The following ADAMTS16 variants were observed in gnomAD, a reference collection of about 807,000 sequenced individuals.
ADAMTS16 encodes ADAM metallopeptidase with thrombospondin type 1 motif 16, also known as A disintegrin and metalloproteinase with thrombospondin motifs 16.
In ADAMTS16, 94 loss-of-function variants were observed where a neutral mutation model predicts 145.8. The ratio of observed to expected loss-of-function variants is 0.64; its 90% confidence interval spans 0.55 to 0.77. The LOEUF (loss-of-function observed/expected upper bound fraction) is 0.77, where lower values mean the gene tolerates loss of function less well. Ranked by LOEUF, ADAMTS16 falls within the 30% of genes least tolerant of loss-of-function variation. The pLI is 0.00. For missense variants in ADAMTS16, 1,585 were observed against 1,591.5 expected, an observed-to-expected ratio of 1.00 and a Z score of 0.07; for synonymous variants, 659 against 604.3, an observed-to-expected ratio of 1.09 and a Z score of -1.33.
At chr5:5,277,417 G>A (rs1039112033) in intron 18 of ADAMTS16, among the ~76,000 whole-genome samples, 3 of 152,162 alleles carry the variant, frequency 2.0e-5, no homozygotes, top group Non-Finnish European at 2.9e-5. Context: ...AGAGAGGGGC[G>A]CTTGCTCACC....
At chr5:5,144,372 A>G (rs1238699205) in intron 2 of ADAMTS16, among the ~76,000 whole-genome samples, 1 of 152,144 alleles carries the variant, frequency 6.6e-6, no homozygotes, top group African/African-American at 2.4e-5. Context: ...TCATTATTTG[A>G]TCAACTTTGC....
rs757394923 is a variant in ADAMTS16, at chr5:5,239,975, G to GT, written c.2523+51dup. ...GGGCTTGGATTTTGGGGGTGTTCTG[G>GT]TGTCTGTGTAAGTTAATGGCTGTTG... On this transcript the variant is annotated intron_variant, in intron 16 of 22. Coordinates refer to ENST00000274181, the MANE Select transcript of ADAMTS16 (RefSeq NM_139056.4). 10 of 1,601,836 alleles carry GT rather than the reference G, an allele frequency of 6.2e-6. No individual in the cohort carries two copies. In the South Asian group the frequency reaches 1.1e-4, roughly 18 times the overall value.
At chr5:5,213,330 A>G (rs60303046) in intron 10 of ADAMTS16, among the ~76,000 whole-genome samples, 36,517 of 152,038 alleles carry the variant, frequency 0.24, 5,643 homozygotes, top group East Asian at 0.64. Context: ...ATTATCTCCA[A>G]TTTTCTTTAT....
chr5:5,170,980 A>G (rs1415942425), intron 3 of ADAMTS16, among the ~76,000 whole-genome samples: 2 of 152,104 alleles, frequency 1.3e-5, no homozygotes. Context: ...AATAGTAGAG[A>G]TATGTCACTT....
chr5:5,259,136 G>T (rs1399687966), intron 17 of ADAMTS16, among the ~76,000 whole-genome samples: 1 of 152,090 alleles, frequency 6.6e-6, no homozygotes, highest in East Asian at 1.9e-4. Context: ...TAATTTTCTG[G>T]GACATCACTT....
intron 18 of ADAMTS16, among the ~76,000 whole-genome samples, chr5:5,270,896 C>T (rs1738444482): frequency 6.6e-6 from 1 of 152,178 alleles, no homozygotes. Flanking sequence ...GAGCTCTGTC[C>T]TCAGCAGCCT....
At chr5:5,231,011 G>T (rs575331794) in intron 11 of ADAMTS16, among the ~76,000 whole-genome samples, 1 of 152,142 alleles carries the variant, frequency 6.6e-6, no homozygotes, top group South Asian at 2.1e-4. Flanking sequence ...TTAAAAAGGG[G>T]GGAAAAGAAA....
intron 18 of ADAMTS16, among the ~76,000 whole-genome samples, chr5:5,270,153 G>A (rs1225574120): frequency 6.6e-6 from 1 of 152,138 alleles, no homozygotes; most frequent in African/African-American, 2.4e-5. Flanking sequence ...AGAACCAAGT[G>A]GATCTCCCCG....
chr5:5,141,464 G>A (rs532939878), intron 2 of ADAMTS16, among the ~76,000 whole-genome samples: 20 of 152,340 alleles, frequency 1.3e-4, no homozygotes, highest in African/African-American at 4.8e-4. Context: ...GGATCTCTGT[G>A]TCTTCATACT....
At chr5:5,239,966 G>T in intron 16 of ADAMTS16, 41 bp downstream of exon 16, 1 of 1,604,412 alleles carries the variant, frequency 6.2e-7, no homozygotes, top group South Asian at 1.1e-5. Flanking sequence ...GGATTTTGGG[G>T]GTGTTCTGGT....
chr5:5,158,080 C>G (rs1272386802), intron 3 of ADAMTS16, among the ~76,000 whole-genome samples: 1 of 152,240 alleles, frequency 6.6e-6, no homozygotes. Context: ...TAATATCACA[C>G]TGTTTCACTG....
chr5:5,191,554 A>T, intron 7 of ADAMTS16, 131 bp from the exon 8 acceptor site: 1 of 723,964 alleles, frequency 1.4e-6, no homozygotes, highest in South Asian at 1.6e-5. Context: ...CGGTTGTCTA[A>T]GTGTTTCCCA....
intron 9 of ADAMTS16, among the ~76,000 whole-genome samples, chr5:5,207,526 T>G (rs1268904873): frequency 6.6e-6 from 1 of 152,208 alleles, no homozygotes; most frequent in Non-Finnish European, 1.5e-5. Context: ...ATGCCTTTTA[T>G]GTAATATTCT....
At chr5:5,213,455 G>C (rs1291763313) in intron 10 of ADAMTS16, among the ~76,000 whole-genome samples, 2 of 151,976 alleles carry the variant, frequency 1.3e-5, no homozygotes, top group Non-Finnish European at 2.9e-5. Flanking sequence ...ATTTTTTATA[G>C]TTTCTGTTTA....
At position 5,140,665 on chromosome 5, in the gene ADAMTS16, C is replaced by A; in HGVS notation, c.74C>A (p.Ala25Glu). The change falls in exon 2 of 23, where the codon GCA becomes GAA. Residue 25 changes from alanine to glutamate, a missense_variant and splice_region_variant. By Grantham distance (107) the Ala-to-Glu change is moderately radical. Coordinates refer to ENST00000274181, the MANE Select transcript of ADAMTS16 (RefSeq NM_139056.4). ...CGATGTCGCCGCTGTTTTCCGCAGG[C>A]ACCTGCGTGCGCCATGGGACCCGCA... Reference protein sequence around the residue: ...WMLLAQVAEQAPACAMGPAAA... With the variant: ...WMLLAQVAEQEPACAMGPAAA... 3 of 1,548,936 alleles carry A rather than the reference C, an allele frequency of 1.9e-6. No individual in the cohort carries two copies. The South Asian group carries it at 3.5e-5, about 18-fold the overall frequency.
At chr5:5,260,790 G>T (rs4323203) in intron 17 of ADAMTS16, among the ~76,000 whole-genome samples, 115,920 of 152,086 alleles carry the variant, frequency 0.76, 45,802 homozygotes, top group Non-Finnish European at 0.89. Context: ...ATGTCCAACT[G>T]GTTTTCAGTG....
intron 4 of ADAMTS16, among the ~76,000 whole-genome samples, chr5:5,182,766 C>G (rs1335846215): frequency 4.0e-5 from 6 of 149,346 alleles, no homozygotes; most frequent in Non-Finnish European, 4.4e-5. Context: ...GATTTATCAC[C>G]AAAGCTTTAT....
At chr5:5,152,614 A>G (rs1335730784) in intron 3 of ADAMTS16, among the ~76,000 whole-genome samples, 1 of 152,240 alleles carries the variant, frequency 6.6e-6, no homozygotes, top group Non-Finnish European at 1.5e-5. Context: ...GGGATTCCTT[A>G]TCTTCTTGGC....
At chr5:5,148,220 T>C (rs979244613) in intron 3 of ADAMTS16, among the ~76,000 whole-genome samples, 2 of 152,218 alleles carry the variant, frequency 1.3e-5, no homozygotes, top group Non-Finnish European at 2.9e-5. Flanking sequence ...ATTTTGTCCA[T>C]AGATGGTCAC....
Sources: gnomAD v4.1 joint callset for allele counts (sites outside exome capture counted in the v4.1 genomes callset) on GRCh38, gnomAD v4.1.1 for gene constraint, MANE v1.5 for transcripts, NCBI Gene and HGNC (gene_info 2026-07-23, HGNC 2026-07-21) for gene names.